The following BROX variants were observed in gnomAD, a reference collection of about 807,000 sequenced individuals.
The protein encoded by BROX is BRO1 domain-containing protein BROX.
In BROX, 53 loss-of-function variants were observed where a neutral mutation model predicts 61.0. The ratio of observed to expected loss-of-function variants is 0.87; its 90% CI spans 0.70 to 1.09. The LOEUF is 1.09. BROX is among the 50% of genes least tolerant of loss of function. The probability of loss-of-function intolerance (pLI) is 0.00; values close to 1 mark genes in which losing one functional copy is unlikely to be tolerated. For missense variants in BROX, 489 were observed against 472.0 expected (o/e 1.04, Z -0.33); for synonymous variants, 152 against 160.2 (o/e 0.95, Z 0.38).
Position 222,716,085 on chromosome 1 carries a change from T to TTTTTTA in BROX, c.101+309_101+314dup, listed in dbSNP as rs201484494. Among the ~76,000 whole-genome samples the TTTTTTA allele has an allele frequency of 6.0e-3, 910 of 151,452 alleles. 37 individuals are homozygous for TTTTTTA. The East Asian group carries it at 0.098, about 16-fold the overall frequency. On this transcript the variant is annotated intron_variant, in intron 2 of 12. Transcript: ENST00000340934. ...ACAAAGTAGTGTATGGACATTTTTA[T>TTTTTTA]TTTTTATTTTTATTTTTATTTTTAT...
At chr1:222,732,371 A>G (rs1658006255) in intron 12 of BROX, among the ~76,000 whole-genome samples, 1 of 152,198 alleles carries the variant, frequency 6.6e-6, no homozygotes, top group South Asian at 2.1e-4. Flanking sequence ...TAGATAGATC[A>G]CTTAGAAAAA....
At position 222,732,568 on chromosome 1, in the gene BROX, T is replaced by A; in HGVS notation, c.1150-60T>A. 2.5e-6 allele frequency: 3 copies of A among 1,208,744 alleles called. No homozygotes were observed. The South Asian group carries it at 4.0e-5, about 16-fold the overall frequency. 74.9% of individuals were successfully genotyped at this position (1,208,744 alleles called of 1,614,324 possible). A position where few individuals can be genotyped will look rare whatever the true frequency, so the allele number is the denominator to read the frequency against. ...TTTAAAAGTCTGAAGTGGAAAAGAT[T>A]TAGTGTTTGTTTTCTCAATCTTAGT... On this transcript the variant is annotated intron_variant, in intron 12 of 12. Coordinates refer to ENST00000340934, the MANE Select transcript of BROX (RefSeq NM_144695.4).
Position 222,718,916 on chromosome 1 carries a change from T to C in BROX, c.102-9T>C, listed in dbSNP as rs1656844408. 2 of 1,609,108 alleles carry C rather than the reference T, an allele frequency of 1.2e-6. No individual in the cohort carries two copies. The highest frequency in any genetic ancestry group is 4.5e-5 in the East Asian group (2 of 44,830). On this transcript the variant is annotated splice_polypyrimidine_tract_variant and intron_variant, in intron 2 of 12. Transcript: ENST00000340934. ...GCTAACTTTACTGTCTTTTTGTATC[T>C]CTTATAAGTGACTTGAGGTCATCCA...
At position 222,733,063 on chromosome 1, in the gene BROX, C is replaced by CTTTTTTTTTTTCTTTTTTTTTTTTTT. The variant is rs1658058998; in HGVS notation, c.*360_*361insCTTTTTTTTTTTTTTTTTTTTTTTTT. 3 of 104,878 alleles carry CTTTTTTTTTTTCTTTTTTTTTTTTTT rather than the reference C, an allele frequency of 2.9e-5. No homozygotes were observed. Among genetic ancestry groups the CTTTTTTTTTTTCTTTTTTTTTTTTTT allele is most frequent in the Non-Finnish European group, 3.9e-5 (2 of 50,778 alleles). The allele number at this position is 104,878 out of a possible 1,614,324, so 6.5% of individuals were successfully genotyped here. A position where few individuals can be genotyped will look rare whatever the true frequency, so the allele number is the denominator to read the frequency against. On this transcript the variant is annotated 3_prime_UTR_variant, in exon 13 of 13. Coordinates refer to ENST00000340934, the MANE Select transcript of BROX (RefSeq NM_144695.4). Reference sequence around the variant, plus strand: ...AGGTATGTTTTTCTTTTTTCTTTTTCTTTTTTTTTTTTCTTTTTTTTTTTT... The same window carrying CTTTTTTTTTTTCTTTTTTTTTTTTTT: ...AGGTATGTTTTTCTTTTTTCTTTTTCTTTTTTTTTTTCTTTTTTTTTTTTTTTTTTTTTTTTTTCTTTTTTTTTTTT...
At chr1:222,730,304 C>G (rs953712434) in intron 11 of BROX, 127 bp downstream of exon 11, 37 of 610,248 alleles carry the variant, frequency 6.1e-5, no homozygotes, top group Non-Finnish European at 1.2e-5. Flanking sequence ...TTGAATAGCA[C>G]TCACTCATGG....
At chr1:222,716,685 A>G (rs1436760457) in intron 2 of BROX, among the ~76,000 whole-genome samples, 2 of 152,232 alleles carry the variant, frequency 1.3e-5, no homozygotes, top group Non-Finnish European at 2.9e-5. Flanking sequence ...CAACACCAGA[A>G]TTGAATAGTC....
chr1:222,716,239 C>T (rs1459428621), intron 2 of BROX, among the ~76,000 whole-genome samples: 3 of 152,140 alleles, frequency 2.0e-5, no homozygotes, highest in Non-Finnish European at 4.4e-5. Context: ...GCTGGGATTA[C>T]AGGCACCTGC....
chr1:222,728,712 T>A (rs753188605), intron 8 of BROX, 31 bp from the exon 9 acceptor site: 6 of 1,457,584 alleles, frequency 4.1e-6, no homozygotes, highest in Non-Finnish European at 5.7e-6. Flanking sequence ...CAGGGCGAAA[T>A]TATATTTTGC....
Position 222,730,189 on chromosome 1 carries a change from T to TTAA in BROX, c.989+15_989+17dup. The TTAA allele has an allele frequency of 6.7e-7, 1 of 1,487,576 alleles. No individual in the cohort carries two copies. Among genetic ancestry groups the TTAA allele is most frequent in the Non-Finnish European group, 9.2e-7 (1 of 1,092,476 alleles). The allele number at this position is 1,487,576 out of a possible 1,614,324, so 92.1% of individuals were successfully genotyped here. The stretch of plus-strand genomic sequence containing the variant: ...GAAAATGGATTTATGTGAGTACAGT[T>TTAA]TAATATTACTTTAGTAATAATATTA... On this transcript the variant is annotated intron_variant, in intron 11 of 12. Coordinates refer to ENST00000340934, the MANE Select transcript of BROX (RefSeq NM_144695.4).
At chr1:222,730,269 A>T (rs576592781) in intron 11 of BROX, 92 bp downstream of exon 11, 43 of 958,926 alleles carry the variant, frequency 4.5e-5, no homozygotes, top group Admixed American at 1.9e-4. Flanking sequence ...CATTTCTGTT[A>T]GTCTCTATTC....
In BROX at chr1:222,715,776, GC is replaced by G; in HGVS notation, c.80del (p.Pro27LeufsTer10). The G allele has an allele frequency of 6.3e-7, 1 of 1,590,008 alleles. No homozygotes were observed. The highest frequency in any genetic ancestry group is 8.6e-7 in the Non-Finnish European group (1 of 1,166,262). On this transcript the variant is annotated frameshift_variant, in exon 2 of 13. Transcript: ENST00000340934. LOFTEE classifies it high-confidence loss of function. ...TTTAATTACTATGGTGTAGTCACTG[GC>G]CCTTCTGCTTCAAAAATATGCAAGT... Reference protein sequence around the residue: ...VSFNYYGVVTGPSASKICNDL... With the variant: ...VSFNYYGVVTXPSASKICNDL...
intron 5 of BROX, among the ~76,000 whole-genome samples, chr1:222,723,383 C>T (rs2125019641): frequency 6.6e-6 from 1 of 152,336 alleles, no homozygotes; most frequent in East Asian, 1.9e-4. Flanking sequence ...TCAGGTGATT[C>T]TCCTGCCTTG....
intron 12 of BROX, among the ~76,000 whole-genome samples, 186 bp downstream of exon 12, chr1:222,731,702 A>G (rs1657954647): frequency 6.6e-6 from 1 of 152,208 alleles, no homozygotes; most frequent in African/African-American, 2.4e-5. Context: ...TAGGCCTTAA[A>G]TGTCTTCTGA....
At chr1:222,731,305 C>A in intron 11 of BROX, 52 bp from the exon 12 acceptor site, 1 of 1,438,054 alleles carries the variant, frequency 7.0e-7, no homozygotes, top group South Asian at 1.4e-5. Flanking sequence ...ACATATTAGG[C>A]ACTCAAATAA....
intron 2 of BROX, 112 bp downstream of exon 2, chr1:222,715,912 C>A: frequency 1.7e-6 from 1 of 605,690 alleles, no homozygotes; most frequent in Non-Finnish European, 2.9e-6. Context: ...TTATAAATGA[C>A]ATTTAAGAGT....
chr1:222,722,550 T>A (rs374258615), intron 5 of BROX, 36 bp downstream of exon 5: 16 of 1,426,498 alleles, frequency 1.1e-5, no homozygotes, highest in Non-Finnish European at 1.5e-5. Flanking sequence ...ACATCTGTGT[T>A]ATTTTTCAAG....
chr1:222,726,547 T>C (rs373489057), intron 7 of BROX, among the ~76,000 whole-genome samples: 1 of 151,696 alleles, frequency 6.6e-6, no homozygotes. Flanking sequence ...AGAAACCCCA[T>C]CTCCACTAAA....
intron 4 of BROX, among the ~76,000 whole-genome samples, chr1:222,722,194 A>G (rs1657151544): frequency 6.7e-6 from 1 of 148,530 alleles, no homozygotes; most frequent in Admixed American, 6.7e-5. Context: ...TCCTATTCCC[A>G]TGCTTATTAT....
At chr1:222,730,327 G>A in intron 11 of BROX, 150 bp downstream of exon 11, 1 of 486,496 alleles carries the variant, frequency 2.1e-6, no homozygotes, top group Non-Finnish European at 3.2e-6. Flanking sequence ...TAGGCGTGGT[G>A]GCTCACAACT....
Sources: gnomAD v4.1 joint callset for allele counts (sites outside exome capture counted in the v4.1 genomes callset) on GRCh38, gnomAD v4.1.1 for gene constraint, MANE v1.5 for transcripts, NCBI Gene and HGNC (gene_info 2026-07-23, HGNC 2026-07-21) for gene names.